Variants in SFXN2 observed in about 807,000 individuals in gnomAD.
The protein encoded by SFXN2 is sideroflexin-2.
A neutral mutation model predicts 41.9 loss-of-function variants in SFXN2; 37 were observed. The observed-to-expected ratio is 0.88, with a 90% confidence interval of 0.68 to 1.16. SFXN2 has a LOEUF of 1.16. Ranked by LOEUF, SFXN2 falls within the 50% of genes most tolerant of loss-of-function variation. SFXN2 has a pLI of 0.00. For missense variants in SFXN2, 386 were observed against 425.2 expected (o/e 0.91, Z 0.81); for synonymous variants, 150 against 156.7 (o/e 0.96, Z 0.32).
At chr10:102,733,893 CTTT>C (rs56875384) in intron 10 of SFXN2, among the ~76,000 whole-genome samples, 3 of 145,428 alleles carry the variant, frequency 2.1e-5, no homozygotes, top group Admixed American at 1.4e-4. Context: ...TTGTTTTTTG[CTTT>C]TTTTTTTTTG....
chr10:102,732,086 C>A (rs2064712619), intron 7 of SFXN2, 66 bp from the exon 8 acceptor site: 3 of 1,445,958 alleles, frequency 2.1e-6, no homozygotes, highest in African/African-American at 2.8e-5. Flanking sequence ...GCTGACCCAG[C>A]CCCCTGGTGC....
chr10:102,728,895 C>T (rs140628889), intron 4 of SFXN2, among the ~76,000 whole-genome samples: 1 of 152,014 alleles, frequency 6.6e-6, no homozygotes, highest in African/African-American at 2.4e-5. Context: ...TGCCTAAGAT[C>T]AGTCTCAAAA....
rs2064743284 is a variant in SFXN2 at position 102,734,287 on chromosome 10, G to A, written c.821+684G>A. On this transcript the variant is annotated intron_variant, in intron 10 of 11. Coordinates refer to ENST00000369893, the MANE Select transcript of SFXN2 (RefSeq NM_178858.6). This position sits in a 1 kb window ranked among gnomAD's most constrained non-coding sequence, Gnocchi z 4.1. Reference sequence around the variant, plus strand: ...CCACCAGTCACGTCAGGGTTCTTAGGTATCTGCCATTAACTGGAGATGTCC... The same window carrying A: ...CCACCAGTCACGTCAGGGTTCTTAGATATCTGCCATTAACTGGAGATGTCC... Among the ~76,000 whole-genome samples the A allele has an allele frequency of 6.6e-6, 1 of 152,138 alleles. No homozygotes were observed. The highest frequency in any genetic ancestry group is 2.4e-5 in the African/African-American group (1 of 41,432).
chr10:102,728,216 T>C (rs10883768), intron 3 of SFXN2, among the ~76,000 whole-genome samples: 29,738 of 152,086 alleles, frequency 0.2, 3,284 homozygotes, highest in East Asian at 0.49. Context: ...GGAGAATTGC[T>C]TGAACCTGGG....
chr10:102,728,425 T>C lies in SFXN2; in HGVS notation c.333-6T>C, dbSNP rs74833132. The C allele has an allele frequency of 3.0e-3, 4,913 of 1,613,920 alleles. 114 individuals are homozygous for C. The African/African-American group carries it at 0.057, about 19-fold the overall frequency. ...CTCTGCCTCTCCTGGCCTTCCTCAC[T>C]GGTAGGACGATGCCGGCGGTGATCT... is the stretch of plus-strand genomic sequence containing the variant. On this transcript the variant is annotated splice_polypyrimidine_tract_variant and splice_region_variant and intron_variant, in intron 3 of 11. Coordinates refer to ENST00000369893, the MANE Select transcript of SFXN2 (RefSeq NM_178858.6).
chr10:102,730,341 G>C (rs2064683154), intron 6 of SFXN2, among the ~76,000 whole-genome samples: 1 of 152,132 alleles, frequency 6.6e-6, no homozygotes, highest in Non-Finnish European at 1.5e-5. Flanking sequence ...TCTGTTATGA[G>C]GTTTTAATGA....
Position 102,730,898 on chromosome 10 carries a change from TAACACGGTGA to T in SFXN2, c.594-821_594-812del, listed in dbSNP as rs560716096. ...GTCAGGAGATCGAGACCATCCTGGC[TAACACGGTGA>T]AACCCCGTCTCTACTAAAAAATACA... On this transcript the variant is annotated intron_variant, in intron 6 of 11. Coordinates refer to ENST00000369893, the MANE Select transcript of SFXN2 (RefSeq NM_178858.6). Among the ~76,000 whole-genome samples, 705 of 151,964 alleles carry T rather than the reference TAACACGGTGA, an allele frequency of 4.6e-3. 3 individuals are homozygous for T. The highest frequency in any genetic ancestry group is 0.027 in the Middle Eastern group (8 of 294).
rs2064646343 is a variant in SFXN2 at position 102,728,514 on chromosome 10, C to T, written c.416C>T (p.Ser139Phe). ...AACTACACCAACAGGAATGCGGCTTCCCCCACATCAGTCAGGTAGGAGACC... is the reference window on the plus strand; with the variant it reads ...AACTACACCAACAGGAATGCGGCTTTCCCCACATCAGTCAGGTAGGAGACC... Reference protein sequence around the residue: ...LVNYTNRNAASPTSVRQMALS... With the variant: ...LVNYTNRNAAFPTSVRQMALS... Residue 139 changes from serine to phenylalanine, a missense_variant, in exon 4 of 12, where the codon TCC becomes TTC. By Grantham distance (155) the Ser-to-Phe change is radical. Transcript: ENST00000369893. The T allele has an allele frequency of 6.2e-7, 1 of 1,613,690 alleles. No individual in the cohort carries two copies.
chr10:102,723,479 C>G (rs535643463), intron 1 of SFXN2, among the ~76,000 whole-genome samples: 2 of 151,670 alleles, frequency 1.3e-5, no homozygotes. Context: ...CTCAAACTCC[C>G]GACCTCAGGT....
chr10:102,742,953 CTGTATCTGTAAT>C lies in SFXN2; in HGVS notation c.*5192_*5203del, dbSNP rs1842809940. 1 of 152,166 alleles carries C rather than the reference CTGTATCTGTAAT, an allele frequency of 6.6e-6. No individual in the cohort carries two copies. Among genetic ancestry groups the C allele is most frequent in the Non-Finnish European group, 1.5e-5 (1 of 68,042 alleles). The allele number at this position is 152,166 out of a possible 1,614,324, so 9.4% of individuals were successfully genotyped here. A position where few individuals can be genotyped will look rare whatever the true frequency, so the allele number is the denominator to read the frequency against. On this transcript the variant is annotated 3_prime_UTR_variant, in exon 12 of 12. Transcript: ENST00000369893. ...GGGCTAGGAGTTTGTAAGCAGGGAA[CTGTATCTGTAAT>C]ATGTAAATGAAGTTACTGGGCATCT...
intron 7 of SFXN2, 82 bp from the exon 8 acceptor site, chr10:102,732,070 C>CATG: frequency 7.4e-7 from 1 of 1,345,524 alleles, no homozygotes; most frequent in Non-Finnish European, 1.0e-6. Context: ...CAGACTTGGC[C>CATG]ATGATGCTGA....
At chr10:102,729,946 G>A in intron 6 of SFXN2, 138 bp downstream of exon 6, 1 of 908,366 alleles carries the variant, frequency 1.1e-6, no homozygotes, top group Non-Finnish European at 1.7e-6. Flanking sequence ...AAGGGCCCTG[G>A]GATTGGCAGC....
At position 102,735,885 on chromosome 10, in the gene SFXN2, C is replaced by T. The variant is rs540805972; in HGVS notation, c.845C>T (p.Ala282Val). The change falls in exon 11 of 12, where the codon GCG becomes GTG. Residue 282 changes from alanine to valine, a missense_variant. By Grantham distance (64) the Ala-to-Val change is moderately conservative (BLOSUM62 0). Transcript: ENST00000369893. ...AGCCTCATCTTCATGGTGCCAGTGG[C>T]GTGTGGGCTTTTCCCACAGAAATGG... Reference protein sequence around the residue: ...GCFLIFMVPVACGLFPQKCEL... With the variant: ...GCFLIFMVPVVCGLFPQKCEL... The T allele has an allele frequency of 8.2e-5, 132 of 1,614,128 alleles. 3 individuals are homozygous for T. In the South Asian group the frequency reaches 1.2e-3, roughly 15 times the overall value.
chr10:102,729,481 C>A, intron 5 of SFXN2, 87 bp downstream of exon 5: 1 of 1,483,560 alleles, frequency 6.7e-7, no homozygotes, highest in East Asian at 2.3e-5. Context: ...GACAGTTCCC[C>A]AGGCTGGGTG....
In SFXN2 at chr10:102,739,803, CT is replaced by C. The variant is rs1332079149; in HGVS notation, c.*2042del. 6.6e-6 allele frequency: 1 copy of C among 152,090 alleles called. No homozygotes were observed. The highest frequency in any genetic ancestry group is 1.5e-5 in the Non-Finnish European group (1 of 68,054). The allele number at this position is 152,090 out of a possible 1,614,324, so 9.4% of individuals were successfully genotyped here. On this transcript the variant is annotated 3_prime_UTR_variant, in exon 12 of 12. Transcript: ENST00000369893. ...TGGCATACACCTGTAATCCCAGCTA[CT>C]CGGGGGGCTGAGACTGGAGAATCAC...
At chr10:102,727,899 G>A (rs930184820) in intron 3 of SFXN2, 7 of 159,848 alleles carry the variant, frequency 4.4e-5, no homozygotes, top group South Asian at 1.8e-4. Context: ...TTCCATGGAG[G>A]AAGTGATCCC....
At chr10:102,731,991 G>A (rs1441654649) in intron 7 of SFXN2, among the ~76,000 whole-genome samples, 161 bp from the exon 8 acceptor site, 1 of 152,122 alleles carries the variant, frequency 6.6e-6, no homozygotes, top group Non-Finnish European at 1.5e-5. Flanking sequence ...TAAAAACCTG[G>A]CTAGGTGGGA....
chr10:102,719,694 A>G (rs2064478906), intron 1 of SFXN2, among the ~76,000 whole-genome samples: 1 of 152,118 alleles, frequency 6.6e-6, no homozygotes, highest in South Asian at 2.1e-4. Flanking sequence ...CTGAATACCC[A>G]CAGGCTGATG....
In SFXN2 at chr10:102,735,884, G is replaced by A; in HGVS notation, c.844G>A (p.Ala282Thr). Residue 282 changes from alanine (A) to threonine (T), a missense_variant, in exon 11 of 12, where the codon GCG becomes ACG. By Grantham distance (58) the Ala-to-Thr change is moderately conservative. Coordinates refer to ENST00000369893, the MANE Select transcript of SFXN2 (RefSeq NM_178858.6). ...GCFLIFMVPVACGLFPQKCEL... is the reference protein window; with the variant it reads ...GCFLIFMVPVTCGLFPQKCEL... ...CAGCCTCATCTTCATGGTGCCAGTG[G>A]CGTGTGGGCTTTTCCCACAGAAATG... 2 of 1,614,166 alleles carry A rather than the reference G, an allele frequency of 1.2e-6. No homozygotes were observed. Among genetic ancestry groups the A allele is most frequent in the Non-Finnish European group, 1.7e-6 (2 of 1,180,026 alleles).
Sources: gnomAD v4.1 joint callset for allele counts (sites outside exome capture counted in the v4.1 genomes callset) on GRCh38, gnomAD v4.1.1 for gene constraint, Gnocchi (gnomAD v3.1) non-coding constraint, MANE v1.5 for transcripts, NCBI Gene and HGNC (gene_info 2026-07-23, HGNC 2026-07-21) for gene names.